Variants in DMWD observed in about 807,000 individuals in gnomAD.
The protein encoded by DMWD is dystrophia myotonica WD repeat-containing protein.
In DMWD, 19 loss-of-function variants were observed where a neutral mutation model predicts 45.8. The observed-to-expected ratio is 0.41, with a 90% CI of 0.29 to 0.61. The LOEUF is 0.61. Among genes scored for constraint, DMWD ranks in the 20% least tolerant of loss-of-function variants. The pLI is 0.25. For synonymous variants in DMWD, 515 were observed against 440.5 expected (o/e 1.17, Z -2.12); for missense variants, 802 against 965.2 (o/e 0.83, Z 2.24).
chr19:45,784,334 C>G, intron 4 of DMWD, 44 bp from the exon 5 acceptor site: 1 of 1,493,638 alleles, frequency 6.7e-7, no homozygotes, highest in Non-Finnish European at 8.9e-7. Context: ...TAGAGACCAC[C>G]TGGGCTTCAG....
chr19:45,792,781 A>G lies in DMWD; in HGVS notation c.-25T>C, dbSNP rs1046334990. On this transcript the variant is annotated 5_prime_UTR_variant, in exon 1 of 5. Transcript: ENST00000270223. The stretch of plus-strand genomic sequence containing the variant: ...TCTTGGGCGCCCCCCGGGCCCCGCC[A>G]CTGCCGGACTGCCGCCCGCAGCCGG... 7.2e-6 allele frequency: 8 copies of G among 1,106,724 alleles called. No homozygotes were observed. The highest frequency in any genetic ancestry group is 1.1e-6 in the Non-Finnish European group (1 of 908,622). 68.6% of individuals were successfully genotyped at this position (1,106,724 alleles called of 1,614,324 possible). A position where few individuals can be genotyped will look rare whatever the true frequency, so the allele number is the denominator to read the frequency against.
At position 45,786,269 on chromosome 19, in the gene DMWD, G is replaced by A. The variant is rs780255178; in HGVS notation, c.1227C>T (p.Gly409=). The A allele has an allele frequency of 6.3e-5, 101 of 1,606,116 alleles. No individual in the cohort carries two copies. Among genetic ancestry groups the A allele is most frequent in the Admixed American group, 1.0e-4 (6 of 59,582 alleles). Reference sequence around the variant, plus strand: ...GCGGGGCGCCCCCGGCCGAGCCTGTGCCCGCAGCCTCGGGCTCCTCCTCCT... The same window carrying A: ...GCGGGGCGCCCCCGGCCGAGCCTGTACCCGCAGCCTCGGGCTCCTCCTCCT... The part of the protein sequence containing the change: ...EEEEEEPEAA[G]TGSAGGAPLS... Residue 409 remains glycine, a synonymous_variant, in exon 3 of 5, where the codon GGC becomes GGT. Transcript: ENST00000270223.
intron 2 of DMWD, among the ~76,000 whole-genome samples, chr19:45,787,564 C>T (rs17571725): frequency 0.32 from 49,291 of 152,026 alleles, 8,155 homozygotes; most frequent in Non-Finnish European, 0.36. Context: ...GAAATTTCTT[C>T]ACGGAAAGGC....
rs367851825 is a variant in DMWD at position 45,785,931 on chromosome 19, C to T, written c.1565G>A (p.Arg522His). Residue 522 changes from arginine (R) to histidine (H), a missense_variant, in exon 3 of 5, where the codon CGC (arginine) becomes CAC (histidine). This residue lies in a region of DMWD where 303 missense variants were observed against 332.9 expected (regional missense o/e 0.91). Coordinates refer to ENST00000270223, the MANE Select transcript of DMWD (RefSeq NM_004943.2). The stretch of plus-strand genomic sequence containing the variant: ...CTCCTGCAGTGTGAGCGTGGCGAAG[C>T]GGCCAATGCTGAATGGTGTGCCAGG... ...AEPGTPFSIGRFATLTLQERR... is the reference protein window; with the variant it reads ...AEPGTPFSIGHFATLTLQERR... 3.9e-5 allele frequency: 62 copies of T among 1,600,072 alleles called. No individual in the cohort carries two copies. In the African/African-American group the frequency reaches 4.3e-4, roughly 11 times the overall value.
chr19:45,785,579 TG>T lies in DMWD; in HGVS notation c.1902+14del. 1 of 1,467,944 alleles carries T rather than the reference TG, an allele frequency of 6.8e-7. No individual in the cohort carries two copies. Among genetic ancestry groups the T allele is most frequent in the Non-Finnish European group, 9.0e-7 (1 of 1,107,598 alleles). 90.9% of individuals were successfully genotyped at this position (1,467,944 alleles called of 1,614,324 possible). ...TCCTGCCAGGTCCCCGGCAGGCTGG[TG>T]TGGGGCCACTCACCGCCTTGCCCGG... is the stretch of plus-strand genomic sequence containing the variant. On this transcript the variant is annotated intron_variant, in intron 3 of 4. Coordinates refer to ENST00000270223, the MANE Select transcript of DMWD (RefSeq NM_004943.2).
In DMWD at chr19:45,784,128, A is replaced by G; in HGVS notation, c.*115T>C. ...AATTTTGTGCAGGTGGGGGGACTGG[A>G]GCAGTCCATCCATCATGGTTAGTCT... On this transcript the variant is annotated 3_prime_UTR_variant, in exon 5 of 5. Coordinates refer to ENST00000270223, the MANE Select transcript of DMWD (RefSeq NM_004943.2). 1.1e-6 allele frequency: 1 copy of G among 940,902 alleles called. No individual in the cohort carries two copies. The highest frequency in any genetic ancestry group is 2.5e-5 in the East Asian group (1 of 39,620). 58.3% of individuals were successfully genotyped at this position (940,902 alleles called of 1,614,324 possible).
chr19:45,792,637 G>T lies in DMWD; in HGVS notation c.120C>A (p.Gly40=). 2 of 1,334,334 alleles carry T rather than the reference G, an allele frequency of 1.5e-6. No individual in the cohort carries two copies. Among genetic ancestry groups the T allele is most frequent in the Non-Finnish European group, 9.7e-7 (1 of 1,026,582 alleles). The allele number at this position is 1,334,334 out of a possible 1,614,324, so 82.7% of individuals were successfully genotyped here. ...AAGCCGGACCCGACCTGCGAGCGGC[G>T]CCGTCGCCCGGGAGTAGCTTGTAGA... is the stretch of plus-strand genomic sequence containing the variant. ...EGFYKLLPGD[G]AARRSGPASA... The change falls in exon 1 of 5, where the codon GGC becomes GGA. Residue 40 remains glycine, a synonymous_variant. Transcript: ENST00000270223.
Position 45,783,520 on chromosome 19 carries a change from C to CT in DMWD, c.*722dup, listed in dbSNP as rs1970213394. The CT allele has an allele frequency of 5.0e-6, 2 of 398,526 alleles. No homozygotes were observed. Among genetic ancestry groups the CT allele is most frequent in the Admixed American group, 4.4e-5 (1 of 22,714 alleles). 24.7% of individuals were successfully genotyped at this position (398,526 alleles called of 1,614,324 possible). A position where few individuals can be genotyped will look rare whatever the true frequency, so the allele number is the denominator to read the frequency against. On this transcript the variant is annotated 3_prime_UTR_variant, in exon 5 of 5. Coordinates refer to ENST00000270223, the MANE Select transcript of DMWD (RefSeq NM_004943.2). ...GGATGCTCTTCTCCCCAAGAGGGTCCTGCTCCAGCCGCTGGTGTGGGTCAC... is the reference window on the plus strand; with the variant it reads ...GGATGCTCTTCTCCCCAAGAGGGTCCTTGCTCCAGCCGCTGGTGTGGGTCAC...
Position 45,786,306 on chromosome 19 carries a change from C to A in DMWD, c.1190G>T (p.Ser397Ile). The change falls in exon 3 of 5, where the codon AGC becomes ATC. Residue 397 changes from serine to isoleucine, a missense_variant. Physicochemically the swap from Ser to Ile is moderately radical, Grantham distance 142 (BLOSUM62 -2). This residue lies in a region of DMWD where 67 missense variants were observed against 57.9 expected (regional missense o/e 1.16). Coordinates refer to ENST00000270223, the MANE Select transcript of DMWD (RefSeq NM_004943.2). Reference sequence around the variant, plus strand: ...GGGCTCCTCCTCCTCCTCTTCGCCGCTCCGCTCCCCATCAGCACCGGCTGC... The same window carrying A: ...GGGCTCCTCCTCCTCCTCTTCGCCGATCCGCTCCCCATCAGCACCGGCTGC... ...ATAAGADGERSGEEEEEEPEA... is the reference protein window; with the variant it reads ...ATAAGADGERIGEEEEEEPEA... 6.2e-7 allele frequency: 1 copy of A among 1,606,556 alleles called. No homozygotes were observed. Among genetic ancestry groups the A allele is most frequent in the Non-Finnish European group, 8.5e-7 (1 of 1,175,082 alleles).
At chr19:45,784,620 A>G (rs1970245178) in intron 4 of DMWD, 21 bp downstream of exon 4, 1 of 1,613,668 alleles carries the variant, frequency 6.2e-7, no homozygotes, top group South Asian at 1.1e-5. Context: ...TGCTGGGGAA[A>G]GAACTCAGGG....
At chr19:45,790,784 C>T (rs1257892526) in intron 2 of DMWD, 121 bp downstream of exon 2, 2 of 1,143,846 alleles carry the variant, frequency 1.7e-6, no homozygotes, top group Non-Finnish European at 2.5e-6. Flanking sequence ...CCCCATTCTC[C>T]ATCTCTCCCT....
At position 45,785,749 on chromosome 19, in the gene DMWD, G is replaced by C. The variant is rs1046884577; in HGVS notation, c.1747C>G (p.Leu583Val). 9 of 1,610,484 alleles carry C rather than the reference G, an allele frequency of 5.6e-6. No homozygotes were observed. The highest frequency in any genetic ancestry group is 2.2e-5 in the East Asian group (1 of 44,800). ...GGCACCTCGTGGATGCGCGGGCACAGCGCAGTGCCCAGCACCTTGGCGGGG... is the reference window on the plus strand; with the variant it reads ...GGCACCTCGTGGATGCGCGGGCACACCGCAGTGCCCAGCACCTTGGCGGGG... ...LDPAKVLGTA[L>V]CPRIHEVPLL... The change falls in exon 3 of 5, where the codon CTG becomes GTG. Residue 583 changes from leucine (L) to valine (V), a missense_variant. By Grantham distance (32) the Leu-to-Val change is conservative. This residue lies in a region of DMWD where 303 missense variants were observed against 332.9 expected (regional missense o/e 0.91). Coordinates refer to ENST00000270223, the MANE Select transcript of DMWD (RefSeq NM_004943.2).
chr19:45,792,204 C>A, intron 1 of DMWD, 112 bp downstream of exon 1: 1 of 1,410,804 alleles, frequency 7.1e-7, no homozygotes, highest in East Asian at 3.0e-5. Context: ...CAACGTCCAT[C>A]ACATTTAGAA....
rs1242046976 is a variant in DMWD at position 45,792,472 on chromosome 19, G to A, written c.285C>T (p.Arg95=). 1.6e-6 allele frequency: 2 copies of A among 1,267,734 alleles called. No homozygotes were observed. Among genetic ancestry groups the A allele is most frequent in the East Asian group, 6.9e-5 (2 of 29,172 alleles). 78.5% of individuals were successfully genotyped at this position (1,267,734 alleles called of 1,614,324 possible). The part of the protein sequence containing the change: ...PGPGPALPAV[R]LSLVRLGEPD... ...GCTCCCCGAGGCGCACGAGGCTGAG[G>A]CGCACGGCGGGCAGGGCGGGCCCGG... is the stretch of plus-strand genomic sequence containing the variant. The change falls in exon 1 of 5, where the codon CGC becomes CGT. Residue 95 remains arginine (R), a synonymous_variant. Coordinates refer to ENST00000270223, the MANE Select transcript of DMWD (RefSeq NM_004943.2).
chr19:45,785,346 T>C, intron 3 of DMWD: 2 of 1,230,254 alleles, frequency 1.6e-6, no homozygotes, highest in Non-Finnish European at 2.0e-6. Context: ...ACGGCCAGCC[T>C]TGGATGCCCC....
At chr19:45,791,108 G>A (rs1345747105) in intron 1 of DMWD, 21 bp from the exon 2 acceptor site, 22 of 1,596,444 alleles carry the variant, frequency 1.4e-5, no homozygotes, top group Non-Finnish European at 1.9e-5. Context: ...GGGAGAAAAG[G>A]AGTTAATGGT....
Position 45,785,745 on chromosome 19 carries a change from C to A in DMWD, c.1751G>T (p.Cys584Phe). The A allele has an allele frequency of 1.2e-6, 2 of 1,609,376 alleles. No homozygotes were observed. Among genetic ancestry groups the A allele is most frequent in the Non-Finnish European group, 1.7e-6 (2 of 1,177,546 alleles). Residue 584 changes from cysteine (C) to phenylalanine (F), a missense_variant, in exon 3 of 5, where the codon TGC (cysteine) becomes TTC (phenylalanine). Cys to Phe is a radical substitution (Grantham distance 205). Transcript: ENST00000270223. ...CAGGGGCACCTCGTGGATGCGCGGG[C>A]ACAGCGCAGTGCCCAGCACCTTGGC... ...DPAKVLGTAL[C>F]PRIHEVPLLE...
chr19:45,791,248 G>A lies in DMWD; in HGVS notation c.442-161C>T, dbSNP rs141123591. Reference sequence around the variant, plus strand: ...GCGAAGGACGGGGCAACCACAGACGGGAAGGGGACCCAAATCACAGACAAG... The same window carrying A: ...GCGAAGGACGGGGCAACCACAGACGAGAAGGGGACCCAAATCACAGACAAG... On this transcript the variant is annotated intron_variant, in intron 1 of 4. Transcript: ENST00000270223. Among the ~76,000 whole-genome samples, 28 of 152,170 alleles carry A rather than the reference G, an allele frequency of 1.8e-4. 1 individual carries two copies. The East Asian group carries it at 5.2e-3, about 28-fold the overall frequency.
chr19:45,792,281 T>A (rs374601919), intron 1 of DMWD, 35 bp downstream of exon 1: 1 of 1,590,258 alleles, frequency 6.3e-7, no homozygotes, highest in East Asian at 2.4e-5. Context: ...CTCCATCCTT[T>A]CAGCACCCAG....
Sources: gnomAD v4.1 joint callset for allele counts (sites outside exome capture counted in the v4.1 genomes callset) on GRCh38, gnomAD v4.1.1 for gene constraint, gnomAD v4.1.1 regional missense constraint, MANE v1.5 for transcripts, NCBI Gene and HGNC (gene_info 2026-07-23, HGNC 2026-07-21) for gene names.